Variants in IL17RD observed in about 807,000 individuals in gnomAD.
The protein encoded by IL17RD is interleukin 17 receptor D, also known as interleukin-17 receptor D.
Under a neutral mutation model 80.5 loss-of-function variants are expected in IL17RD, and 52 were observed. The ratio of observed to expected loss-of-function variants is 0.65; its 90% CI spans 0.52 to 0.81. The LOEUF is 0.81. IL17RD is among the 40% of genes least tolerant of loss of function. The probability of loss-of-function intolerance (pLI) is 0.00; values close to 1 mark genes in which losing one functional copy is unlikely to be tolerated. For synonymous variants in IL17RD, 416 were observed against 391.8 expected, an observed-to-expected ratio of 1.06 and a Z score of -0.73; for missense variants, 1,024 against 955.1, an observed-to-expected ratio of 1.07 and a Z score of -0.95.
chr3:57,097,200 T>C (rs148125828), intron 12 of IL17RD, among the ~76,000 whole-genome samples: 113 of 151,596 alleles, frequency 7.5e-4, no homozygotes, highest in African/African-American at 2.7e-3. Flanking sequence ...TCAATGAATG[T>C]AGCTTTAAAG....
intron 1 of IL17RD, among the ~76,000 whole-genome samples, chr3:57,156,128 CG>C (rs1202434008): frequency 6.6e-6 from 1 of 152,042 alleles, no homozygotes. Context: ...GACACTGCAA[CG>C]GGGAAGAAGG....
Position 57,101,352 on chromosome 3 carries a change from AATAT to A in IL17RD, c.987_990del (p.Tyr330HisfsTer3), listed in dbSNP as rs1280597760. The A allele has an allele frequency of 1.3e-5, 20 of 1,594,282 alleles. No homozygotes were observed. Among genetic ancestry groups the A allele is most frequent in the Non-Finnish European group, 1.7e-5 (20 of 1,167,260 alleles). On this transcript the variant is annotated frameshift_variant, in exon 11 of 13. Transcript: ENST00000296318. LOFTEE classifies it high-confidence loss of function. ...TCAGAGCTCTCTTCATCTAAATGTG[AATAT>A]ATATTTTCTAAATTGGAAAAGAAGA...
Position 57,155,030 on chromosome 3 carries a change from C to T in IL17RD, c.126+10131G>A, listed in dbSNP as rs139198314. On this transcript the variant is annotated intron_variant, in intron 1 of 12. Transcript: ENST00000296318. ...GGAGGCAAGGCATGAAAATCAAAGCCGGGCAAAAACTCATTTCCACAGCTG... is the reference window on the plus strand; with the variant it reads ...GGAGGCAAGGCATGAAAATCAAAGCTGGGCAAAAACTCATTTCCACAGCTG... Among the ~76,000 whole-genome samples, 353 of 152,188 alleles carry T rather than the reference C, an allele frequency of 2.3e-3. 1 individual carries two copies. The highest frequency in any genetic ancestry group is 8.2e-3 in the African/African-American group (340 of 41,528).
At position 57,094,213 on chromosome 3, in the gene IL17RD, A is replaced by G. The variant is rs1459964094; in HGVS notation, c.*2180T>C. On this transcript the variant is annotated 3_prime_UTR_variant, in exon 13 of 13. Transcript: ENST00000296318. Reference sequence around the variant, plus strand: ...CCATTTCTAGCATACTGGGGAGAGTAGAAAAAGTGAAACTAATTAAACAAA... The same window carrying G: ...CCATTTCTAGCATACTGGGGAGAGTGGAAAAAGTGAAACTAATTAAACAAA... 6.6e-6 allele frequency: 1 copy of G among 152,220 alleles called. No homozygotes were observed. The highest frequency in any genetic ancestry group is 2.4e-5 in the African/African-American group (1 of 41,458). 9.4% of individuals were successfully genotyped at this position (152,220 alleles called of 1,614,324 possible).
chr3:57,121,996 T>C (rs1023332792), intron 1 of IL17RD, among the ~76,000 whole-genome samples: 1 of 152,214 alleles, frequency 6.6e-6, no homozygotes, highest in Non-Finnish European at 1.5e-5. Context: ...GGTTCATTAT[T>C]TCAAAGAAGA....
intron 1 of IL17RD, among the ~76,000 whole-genome samples, chr3:57,126,825 G>C (rs1278589855): frequency 6.6e-6 from 1 of 151,984 alleles, no homozygotes; most frequent in Admixed American, 6.6e-5. Flanking sequence ...ACAAAGAATT[G>C]AGAAGACTTT....
intron 1 of IL17RD, among the ~76,000 whole-genome samples, chr3:57,138,420 G>A (rs763447242): frequency 3.9e-4 from 59 of 152,168 alleles, no homozygotes; most frequent in Non-Finnish European, 7.3e-5. Flanking sequence ...AGACTGGAGC[G>A]AGGTAGACCA....
intron 1 of IL17RD, among the ~76,000 whole-genome samples, chr3:57,122,473 G>A (rs561724095): frequency 3.8e-4 from 58 of 152,296 alleles, no homozygotes; most frequent in African/African-American, 1.3e-3. Context: ...CCTGAGCTCC[G>A]ACTCCTGTCA....
rs745695085 is a variant in IL17RD, at chr3:57,120,971, C to T, written c.127-658G>A. The stretch of plus-strand genomic sequence containing the variant: ...TCAATACCAGGGCTAACAACTGTGC[C>T]AGACTTCCCACTTTAATTATAGCAT... On this transcript the variant is annotated intron_variant, in intron 1 of 12. Coordinates refer to ENST00000296318, the MANE Select transcript of IL17RD (RefSeq NM_017563.5). Among the ~76,000 whole-genome samples the T allele has an allele frequency of 1.8e-4, 28 of 152,338 alleles. 1 individual carries two copies. In the South Asian group the frequency reaches 5.8e-3, roughly 32 times the overall value.
upstream of IL17RD, among the ~76,000 whole-genome samples, chr3:57,166,322 G>A (rs1188748251): frequency 6.6e-6 from 1 of 152,102 alleles, no homozygotes; most frequent in Non-Finnish European, 1.5e-5. Flanking sequence ...TCTCCAGCCT[G>A]GATCCAAAGT....
chr3:57,110,560 C>G (rs1011679556), intron 3 of IL17RD, among the ~76,000 whole-genome samples: 4 of 152,178 alleles, frequency 2.6e-5, no homozygotes, highest in Admixed American at 6.5e-5. Flanking sequence ...TCATAAATAC[C>G]TATTGCCTCT....
rs138440336 is a variant in IL17RD at position 57,161,788 on chromosome 3, T to C, written c.126+3373A>G. 9.6e-4 allele frequency among the ~76,000 whole-genome samples: 146 copies of C among 152,350 alleles called. 1 individual carries two copies. The highest frequency in any genetic ancestry group is 3.5e-3 in the African/African-American group (144 of 41,576). On this transcript the variant is annotated intron_variant, in intron 1 of 12. Coordinates refer to ENST00000296318, the MANE Select transcript of IL17RD (RefSeq NM_017563.5). Reference sequence around the variant, plus strand: ...AGTTATGAACCAAACTTGCTTCTAGTTGCAAACAAAACCATTCCACTCTAG... The same window carrying C: ...AGTTATGAACCAAACTTGCTTCTAGCTGCAAACAAAACCATTCCACTCTAG...
chr3:57,160,310 A>C (rs1245798459), intron 1 of IL17RD, among the ~76,000 whole-genome samples: 2 of 148,620 alleles, frequency 1.3e-5, no homozygotes, highest in African/African-American at 2.6e-5. Flanking sequence ...AGCTTTAAAA[A>C]AGAAAAAAAA....
chr3:57,098,225 T>G lies in IL17RD; in HGVS notation c.1478A>C (p.Asp493Ala), dbSNP rs1706739002. 5.6e-6 allele frequency: 9 copies of G among 1,613,764 alleles called. No homozygotes were observed. The highest frequency in any genetic ancestry group is 6.8e-6 in the Non-Finnish European group (8 of 1,179,822). The change falls in exon 12 of 13, where the codon GAC becomes GCC. Residue 493 changes from aspartate to alanine, a missense_variant. Physicochemically the swap from Asp to Ala is moderately radical, Grantham distance 126 (BLOSUM62 -2). Transcript: ENST00000296318. ...SCEGDVPGILDLSTKYRLMDN... is the reference protein window; with the variant it reads ...SCEGDVPGILALSTKYRLMDN... ...CATGAGTCTGTACTTGGTACTCAGG[T>G]CTAGGATACCGGGGACGTCTCCCTC... is the stretch of plus-strand genomic sequence containing the variant.
At chr3:57,096,556 C>T in intron 12 of IL17RD, 51 bp from the exon 13 acceptor site, 1 of 1,268,352 alleles carries the variant, frequency 7.9e-7, no homozygotes, top group Non-Finnish European at 1.2e-6. Flanking sequence ...TTTCACTGGG[C>T]TGGGCAGGTG....
At chr3:57,124,482 GAGAA>G (rs1441202482) in intron 1 of IL17RD, among the ~76,000 whole-genome samples, 2 of 151,188 alleles carry the variant, frequency 1.3e-5, no homozygotes, top group Non-Finnish European at 2.9e-5. Context: ...TGAGGAGAGA[GAGAA>G]AGAGAGATCG....
rs141505342 is a variant in IL17RD, at chr3:57,143,785, G to A, written c.126+21376C>T. Among the ~76,000 whole-genome samples, 1,198 of 152,318 alleles carry A rather than the reference G, an allele frequency of 7.9e-3. 10 individuals are homozygous for A. The highest frequency in any genetic ancestry group is 0.012 in the Non-Finnish European group (835 of 68,028). On this transcript the variant is annotated intron_variant, in intron 1 of 12. Coordinates refer to ENST00000296318, the MANE Select transcript of IL17RD (RefSeq NM_017563.5). ...ATGTGCCTAGGGCAGTGATGTTCGG[G>A]TGGAAGAGACACACCCGGCTTTTCT...
intron 2 of IL17RD, among the ~76,000 whole-genome samples, chr3:57,116,923 T>C (rs1459338109): frequency 1.3e-5 from 2 of 148,494 alleles, no homozygotes; most frequent in Non-Finnish European, 3.0e-5. Context: ...GATCCTGTCA[T>C]ACTTGTAAAG....
intron 1 of IL17RD, among the ~76,000 whole-genome samples, chr3:57,154,302 A>ACACACACACACG (rs1491319689): frequency 6.7e-6 from 1 of 149,420 alleles, no homozygotes; most frequent in Non-Finnish European, 1.5e-5. Flanking sequence ...ACACACACAC[A>ACACACACACACG]TACATACACG....
Sources: gnomAD v4.1 joint callset for allele counts (sites outside exome capture counted in the v4.1 genomes callset) on GRCh38, gnomAD v4.1.1 for gene constraint, MANE v1.5 for transcripts, NCBI Gene and HGNC (gene_info 2026-07-23, HGNC 2026-07-21) for gene names.